Variants in CACNA1A observed in about 807,000 individuals in gnomAD.
CACNA1A encodes the protein calcium voltage-gated channel subunit alpha1 A.
A neutral mutation model predicts 262.4 loss-of-function variants in CACNA1A; 57 were observed. That is an observed-to-expected ratio of 0.22 (90% CI 0.18 to 0.27). CACNA1A has a LOEUF of 0.27. CACNA1A is among the 10% of genes least tolerant of loss of function. The pLI is 1.00. For synonymous variants in CACNA1A, 1,431 were observed against 1,419.3 expected (o/e 1.01, Z -0.18); for missense variants, 2,526 against 3,562.8 (o/e 0.71, Z 7.41).
Position 13,207,183 on chromosome 19 carries a change from G to T in CACNA1A, c.*130C>A. ...GTGGCCCAGCCCTGGCCTCTCCAGA[G>T]TCTGGGGTCTCCCGGCTGGCCCTCT... On this transcript the variant is annotated 3_prime_UTR_variant, in exon 47 of 47. Coordinates refer to ENST00000360228, the MANE Select transcript of CACNA1A (RefSeq NM_001127222.2). The surrounding 1 kb of genome is among the most constrained non-coding windows in gnomAD (Gnocchi z 5.7). 9.7e-7 allele frequency: 1 copy of T among 1,034,892 alleles called. No individual in the cohort carries two copies. The highest frequency in any genetic ancestry group is 1.3e-6 in the Non-Finnish European group (1 of 762,896). 64.1% of individuals were successfully genotyped at this position (1,034,892 alleles called of 1,614,324 possible).
chr19:13,351,034 A>C (rs1407801481), intron 6 of CACNA1A, among the ~76,000 whole-genome samples: 1 of 152,226 alleles, frequency 6.6e-6, no homozygotes, highest in Non-Finnish European at 1.5e-5. Flanking sequence ...AGAACGCTAT[A>C]TAGGCATAAA....
chr19:13,272,881 C>T (rs889348463), intron 24 of CACNA1A: 3 of 152,166 alleles, frequency 2.0e-5, no homozygotes, highest in Non-Finnish European at 4.4e-5. Flanking sequence ...TAAATTTTCT[C>T]ATAGCATGAT....
chr19:13,218,536 G>C (rs952044130), intron 38 of CACNA1A, among the ~76,000 whole-genome samples: 1 of 152,088 alleles, frequency 6.6e-6, no homozygotes, highest in Non-Finnish European at 1.5e-5. Context: ...GTGTCTCCTG[G>C]ACCCTTCCCC....
At chr19:13,466,776 A>C (rs1000236549) in intron 1 of CACNA1A, among the ~76,000 whole-genome samples, 5 of 152,062 alleles carry the variant, frequency 3.3e-5, no homozygotes, top group Non-Finnish European at 5.9e-5. Flanking sequence ...AAATTCCGTG[A>C]TGTGAAATTG....
intron 15 of CACNA1A, among the ~76,000 whole-genome samples, chr19:13,304,862 C>T (rs1449016482): frequency 6.6e-6 from 1 of 152,156 alleles, no homozygotes; most frequent in Admixed American, 6.5e-5. Flanking sequence ...CTGTATAAGC[C>T]ACCCAGTGTG....
intron 3 of CACNA1A, among the ~76,000 whole-genome samples, chr19:13,374,351 G>A (rs992972721): frequency 6.6e-6 from 1 of 152,142 alleles, no homozygotes; most frequent in African/African-American, 2.4e-5. Context: ...GGGCTCAAGC[G>A]ATCCTCCCAC....
In CACNA1A at chr19:13,358,537, T is replaced by C. The variant is rs145195681; in HGVS notation, c.978+1069A>G. Among the ~76,000 whole-genome samples the C allele has an allele frequency of 1.1e-4, 16 of 152,292 alleles. No individual in the cohort carries two copies. The East Asian group carries it at 2.7e-3, about 26-fold the overall frequency. On this transcript the variant is annotated intron_variant, in intron 6 of 46. Coordinates refer to ENST00000360228, the MANE Select transcript of CACNA1A (RefSeq NM_001127222.2). ...AACAGCATGTATAGAATGCTACTCC[T>C]TGGGATAAGAAAGAGGGGGGAGGAC...
intron 11 of CACNA1A, among the ~76,000 whole-genome samples, chr19:13,313,646 C>A (rs1254324319): frequency 6.6e-6 from 1 of 152,020 alleles, no homozygotes; most frequent in East Asian, 1.9e-4. Context: ...TGAGAAGGAT[C>A]GGATATAGAT....
intron 5 of CACNA1A, among the ~76,000 whole-genome samples, chr19:13,360,239 T>C (rs1285217686): frequency 7.5e-6 from 1 of 133,058 alleles, no homozygotes; most frequent in African/African-American, 2.7e-5. Flanking sequence ...TAAAAAAACT[T>C]ATTAGGTGTC....
At chr19:13,505,589 C>T (rs772579431) in intron 1 of CACNA1A, among the ~76,000 whole-genome samples, 2 of 152,120 alleles carry the variant, frequency 1.3e-5, no homozygotes, top group African/African-American at 2.4e-5. Context: ...CTCCGTAGAA[C>T]TCCAAACCCT....
At chr19:13,416,747 G>A (rs189600096) in intron 3 of CACNA1A, among the ~76,000 whole-genome samples, 5 of 152,176 alleles carry the variant, frequency 3.3e-5, no homozygotes, top group Non-Finnish European at 4.4e-5. Flanking sequence ...TCCAGGAGGC[G>A]GAGGTGGCAG....
rs374116879 is a variant in CACNA1A, at chr19:13,326,770, C to A, written c.1345+3474G>T. On this transcript the variant is annotated intron_variant, in intron 10 of 46. Transcript: ENST00000360228. Reference sequence around the variant, plus strand: ...CACCACTGCACTCCAGCCTGAACATCAGAGCAAGACACTGTCTCAAAAAAA... The same window carrying A: ...CACCACTGCACTCCAGCCTGAACATAAGAGCAAGACACTGTCTCAAAAAAA... 4.7e-5 allele frequency among the ~76,000 whole-genome samples: 6 copies of A among 127,180 alleles called. No individual in the cohort carries two copies. In the East Asian group the frequency reaches 9.9e-4, roughly 21 times the overall value. The allele number at this position is 127,180 out of a possible 152,430, so 83.4% of individuals were successfully genotyped here. A position where few individuals can be genotyped will look rare whatever the true frequency, so the allele number is the denominator to read the frequency against.
At chr19:13,480,293 T>G (rs530560324) in intron 1 of CACNA1A, among the ~76,000 whole-genome samples, 2 of 152,294 alleles carry the variant, frequency 1.3e-5, no homozygotes, top group Admixed American at 6.5e-5. Flanking sequence ...CTACTTAATG[T>G]GAAGACAATG....
chr19:13,339,587 GAAAC>G (rs1277015185), intron 6 of CACNA1A, among the ~76,000 whole-genome samples: 1 of 152,242 alleles, frequency 6.6e-6, no homozygotes, highest in African/African-American at 2.4e-5. Context: ...CTAACAGAAA[GAAAC>G]AATAAAGGTC....
chr19:13,253,524 C>T (rs982781970), intron 29 of CACNA1A, among the ~76,000 whole-genome samples: 2 of 142,302 alleles, frequency 1.4e-5, no homozygotes, highest in African/African-American at 2.6e-5. Flanking sequence ...CGGCTCACTG[C>T]AAGCTCCACC....
At chr19:13,322,202 G>GAAAAA in intron 10 of CACNA1A, among the ~76,000 whole-genome samples, 1 of 90,066 alleles carries the variant, frequency 1.1e-5, no homozygotes, top group Non-Finnish European at 2.4e-5. Context: ...ACTTGTCTCA[G>GAAAAA]AAAAAAAAAA....
intron 1 of CACNA1A, among the ~76,000 whole-genome samples, chr19:13,489,256 C>T (rs1477544376): frequency 1.2e-4 from 18 of 151,610 alleles, no homozygotes; most frequent in Admixed American, 9.9e-4. Flanking sequence ...ATGATCTGCC[C>T]GCCTCGGCCT....
chr19:13,228,423 G>A (rs1463936970), intron 36 of CACNA1A, among the ~76,000 whole-genome samples: 1 of 151,866 alleles, frequency 6.6e-6, no homozygotes, highest in East Asian at 1.9e-4. Context: ...TTGGGGTGCC[G>A]TGGAGACCCC....
At chr19:13,475,690 T>C (rs1356901225) in intron 1 of CACNA1A, among the ~76,000 whole-genome samples, 3 of 152,206 alleles carry the variant, frequency 2.0e-5, no homozygotes, top group Admixed American at 1.3e-4. Flanking sequence ...AAATGGTCCA[T>C]GTCTTTTTGC....
Sources: allele counts gnomAD v4.1 joint callset (sites outside exome capture counted in the v4.1 genomes callset), GRCh38; gene constraint gnomAD v4.1.1; non-coding constraint Gnocchi (gnomAD v3.1); transcripts MANE v1.5; gene names NCBI Gene and HGNC (gene_info 2026-07-23, HGNC 2026-07-21).